AKAP13: variants seen among roughly 807,000 people sequenced by gnomAD.
AKAP13 encodes A-kinase anchoring protein 13.
A neutral mutation model predicts 264.5 loss-of-function variants in AKAP13; 80 were observed. The observed-to-expected ratio is 0.30, with a 90% CI of 0.25 to 0.36. The LOEUF is 0.36. Ranked by LOEUF, AKAP13 falls within the 10% of genes least tolerant of loss-of-function variation. The pLI, the probability that AKAP13 is intolerant of heterozygous loss-of-function variation, is 1.00. For missense variants in AKAP13, 3,712 were observed against 3,435.2 expected (o/e 1.08, Z -2.01); for synonymous variants, 1,380 against 1,250.2 (o/e 1.10, Z -2.19).
At chr15:85,423,602 C>G (rs1480186049) in intron 1 of AKAP13, among the ~76,000 whole-genome samples, 2 of 152,208 alleles carry the variant, frequency 1.3e-5, no homozygotes, top group African/African-American at 4.8e-5. Flanking sequence ...TCTGGAACCC[C>G]TCCAAGTCAT....
chr15:85,521,731 A>G (rs188219161), intron 3 of AKAP13, among the ~76,000 whole-genome samples, 156 bp downstream of exon 3: 30 of 152,326 alleles, frequency 2.0e-4, no homozygotes, highest in African/African-American at 7.0e-4. Flanking sequence ...TCCTGCTGGT[A>G]TTGGAACAGA....
intron 17 of AKAP13, chr15:85,702,397 T>C (rs2085979323): frequency 6.6e-6 from 1 of 152,290 alleles, no homozygotes; most frequent in African/African-American, 2.4e-5. Context: ...GGAAGTCCCA[T>C]GTGTTATCTT....
intron 1 of AKAP13, among the ~76,000 whole-genome samples, chr15:85,442,724 T>G (rs1342969324): frequency 6.6e-6 from 1 of 151,600 alleles, no homozygotes; most frequent in African/African-American, 2.4e-5. Flanking sequence ...TGATTTTGGC[T>G]CAGCAACACT....
At chr15:85,608,051 A>T (rs1190226891) in intron 8 of AKAP13, among the ~76,000 whole-genome samples, 1 of 152,118 alleles carries the variant, frequency 6.6e-6, no homozygotes, top group East Asian at 1.9e-4. Context: ...AATGGTGTAT[A>T]TTTGCCTGGA....
At chr15:85,526,806 C>T (rs1359529149) in intron 3 of AKAP13, among the ~76,000 whole-genome samples, 3 of 152,116 alleles carry the variant, frequency 2.0e-5, no homozygotes, top group Admixed American at 2.0e-4. Context: ...TACTCTCAAG[C>T]TATCTCTAGA....
intron 1 of AKAP13, among the ~76,000 whole-genome samples, chr15:85,459,286 A>G (rs1261011565): frequency 2.0e-5 from 3 of 148,014 alleles, no homozygotes; most frequent in African/African-American, 7.5e-5. Context: ...TCCGGGTTCA[A>G]AAGATTATCC....
chr15:85,388,066 G>C (rs1019736805), intron 1 of AKAP13, among the ~76,000 whole-genome samples: 4 of 146,210 alleles, frequency 2.7e-5, no homozygotes, highest in East Asian at 2.0e-4. Context: ...ATAGAGACTC[G>C]CTCTGTCACC....
intron 14 of AKAP13, among the ~76,000 whole-genome samples, chr15:85,675,267 GTAGTATCTTACTTTT>G (rs2084161139): frequency 2.0e-5 from 3 of 152,184 alleles, no homozygotes; most frequent in African/African-American, 7.2e-5. Flanking sequence ...ACACATTACA[GTAGTATCTTACTTTT>G]GCACAAGACT....
At chr15:85,717,885 T>C in intron 21 of AKAP13, 122 bp from the exon 22 acceptor site, 1 of 939,702 alleles carries the variant, frequency 1.1e-6, no homozygotes, top group Non-Finnish European at 1.6e-6. Context: ...ATATGATCTC[T>C]GTGAATATCC....
intron 8 of AKAP13, among the ~76,000 whole-genome samples, chr15:85,601,141 C>T (rs1335726545): frequency 6.6e-6 from 1 of 152,140 alleles, no homozygotes; most frequent in African/African-American, 2.4e-5. Context: ...CATTAATGGG[C>T]ACTAATCCGA....
In AKAP13 at chr15:85,718,917, C is replaced by CA. The variant is rs907821877; in HGVS notation, c.6002-152dup. ...CTGTCTTAAAAAAAAAACAAAAAAA[C>CA]AAAAAAACGAGAACACTTTTAGGGG... is the stretch of plus-strand genomic sequence containing the variant. On this transcript the variant is annotated intron_variant, in intron 22 of 36. Coordinates refer to ENST00000394518, the MANE Select transcript of AKAP13 (RefSeq NM_007200.5). The surrounding 1 kb of genome is among the most constrained non-coding windows in gnomAD (Gnocchi z 4.9). 38 of 1,040,932 alleles carry CA rather than the reference C, an allele frequency of 3.7e-5. No homozygotes were observed. The highest frequency in any genetic ancestry group is 4.6e-5 in the Non-Finnish European group (34 of 742,618). 64.5% of individuals were successfully genotyped at this position (1,040,932 alleles called of 1,614,324 possible). A position where few individuals can be genotyped will look rare whatever the true frequency, so the allele number is the denominator to read the frequency against.
At chr15:85,595,003 G>C (rs1410572069) in intron 8 of AKAP13, among the ~76,000 whole-genome samples, 2 of 152,176 alleles carry the variant, frequency 1.3e-5, no homozygotes, top group African/African-American at 4.8e-5. Context: ...ATATTAGCCT[G>C]TGGCTTTAAT....
intron 1 of AKAP13, among the ~76,000 whole-genome samples, chr15:85,479,653 T>C (rs899087825): frequency 6.6e-6 from 1 of 152,172 alleles, no homozygotes; most frequent in East Asian, 1.9e-4. Context: ...GTGGTAGGTA[T>C]GTCAGACCTG....
intron 4 of AKAP13, among the ~76,000 whole-genome samples, chr15:85,538,631 A>G (rs2077481143): frequency 6.7e-6 from 1 of 150,368 alleles, no homozygotes; most frequent in South Asian, 2.1e-4. Flanking sequence ...CCGGGACTAC[A>G]GACGCCCGCC....
rs1567229059 is a variant in AKAP13, at chr15:85,745,350, A to G, written c.*673A>G. The G allele has an allele frequency of 6.6e-6, 1 of 151,908 alleles. No individual in the cohort carries two copies. Among genetic ancestry groups the G allele is most frequent in the Non-Finnish European group, 1.5e-5 (1 of 68,000 alleles). 9.4% of individuals were successfully genotyped at this position (151,908 alleles called of 1,614,324 possible). On this transcript the variant is annotated 3_prime_UTR_variant, in exon 37 of 37. Coordinates refer to ENST00000394518, the MANE Select transcript of AKAP13 (RefSeq NM_007200.5). ...CAAACATTTGTGAAACCAGTGAGAG[A>G]AGGCTTGATGTGTATAAAAGACGTG... is the stretch of plus-strand genomic sequence containing the variant.
intron 3 of AKAP13, among the ~76,000 whole-genome samples, chr15:85,529,345 C>T (rs1269607197): frequency 6.6e-6 from 1 of 152,118 alleles, no homozygotes; most frequent in Non-Finnish European, 1.5e-5. Context: ...GGTGTGAACC[C>T]GGGACGCAGA....
chr15:85,532,453 G>C (rs2077270854), intron 3 of AKAP13, among the ~76,000 whole-genome samples: 1 of 152,194 alleles, frequency 6.6e-6, no homozygotes, highest in Non-Finnish European at 1.5e-5. Flanking sequence ...GAATGTGTTA[G>C]AGATTCAGGG....
chr15:85,614,291 A>G (rs1323383268), intron 8 of AKAP13, among the ~76,000 whole-genome samples: 1 of 152,220 alleles, frequency 6.6e-6, no homozygotes, highest in Non-Finnish European at 1.5e-5. Context: ...AAATGCTGCC[A>G]AAAGAAATAA....
At chr15:85,590,279 A>T (rs772264105) in intron 8 of AKAP13, among the ~76,000 whole-genome samples, 1 of 152,230 alleles carries the variant, frequency 6.6e-6, no homozygotes, top group South Asian at 2.1e-4. Context: ...ATCCATTTAA[A>T]TTCTTATGGA....
Sources: gnomAD v4.1 joint callset for allele counts (sites outside exome capture counted in the v4.1 genomes callset) on GRCh38, gnomAD v4.1.1 for gene constraint, Gnocchi (gnomAD v3.1) non-coding constraint, MANE v1.5 for transcripts, NCBI Gene and HGNC (gene_info 2026-07-23, HGNC 2026-07-21) for gene names.